Variants in NRG1 observed in about 807,000 individuals in gnomAD.
NRG1 encodes the protein pro-neuregulin-1, membrane-bound isoform.
In NRG1, 18 loss-of-function variants were observed where a neutral mutation model predicts 63.8. The ratio of observed to expected loss-of-function variants is 0.28; its 90% CI spans 0.19 to 0.42. The LOEUF (loss-of-function observed/expected upper bound fraction) is 0.42, where lower values mean the gene tolerates loss of function less well. Ranked by LOEUF, NRG1 falls within the 10% of genes least tolerant of loss-of-function variation. NRG1 has a pLI of 1.00. For missense variants in NRG1, 762 were observed against 814.7 expected (o/e 0.94, Z 0.79); for synonymous variants, 302 against 301.3 (o/e 1.00, Z -0.02).
At chr8:32,595,783 T>C in intron 1 of NRG1, 45 bp from the exon 2 acceptor site, 2 of 1,545,626 alleles carry the variant, frequency 1.3e-6, no homozygotes, top group Non-Finnish European at 1.8e-6. Context: ...TTTGAAAGAT[T>C]GCCTGGTGAT....
chr8:31,894,846 G>A (rs1232505141), intron 1 of NRG1, among the ~76,000 whole-genome samples: 4 of 152,028 alleles, frequency 2.6e-5, no homozygotes, highest in South Asian at 4.1e-4. Context: ...CACCGCACCC[G>A]GCCCATAATT....
chr8:32,186,692 G>C (rs972476976), intron 1 of NRG1, among the ~76,000 whole-genome samples: 5 of 152,122 alleles, frequency 3.3e-5, no homozygotes, highest in Admixed American at 2.6e-4. Context: ...TACTGAATTA[G>C]AATCTGTGTT....
intron 1 of NRG1, among the ~76,000 whole-genome samples, chr8:32,541,609 T>C (rs1017259844): frequency 2.0e-5 from 3 of 152,050 alleles, no homozygotes; most frequent in Non-Finnish European, 1.5e-5. Flanking sequence ...TTAACATCAT[T>C]ATAAATTTAA....
chr8:32,032,852 A>G (rs1818475176), intron 1 of NRG1, among the ~76,000 whole-genome samples: 1 of 152,096 alleles, frequency 6.6e-6, no homozygotes, highest in African/African-American at 2.4e-5. Flanking sequence ...CTTTGTGCCC[A>G]TGTCCTAAAT....
chr8:32,636,974 T>C (rs1851455897), intron 5 of NRG1, among the ~76,000 whole-genome samples: 1 of 152,130 alleles, frequency 6.6e-6, no homozygotes, highest in Non-Finnish European at 1.5e-5. Flanking sequence ...ATTGGTGGAT[T>C]ATTTTGTTTG....
At chr8:32,590,652 G>A (rs1440957657) in intron 1 of NRG1, among the ~76,000 whole-genome samples, 4 of 152,096 alleles carry the variant, frequency 2.6e-5, no homozygotes, top group African/African-American at 9.7e-5. Context: ...TTGGTGAATA[G>A]GTTTTATTTC....
Position 32,272,323 on chromosome 8 carries a change from T to C in NRG1, c.38-323505T>C, listed in dbSNP as rs538524025. On this transcript the variant is annotated intron_variant, in intron 1 of 10. Transcript: ENST00000519301. The stretch of plus-strand genomic sequence containing the variant: ...CATCTTCCTCTTCTTATAAGGATGC[T>C]ATATTCCATCATGGGGGCCCAACCC... Among the ~76,000 whole-genome samples the C allele has an allele frequency of 2.6e-5, 4 of 152,282 alleles. No homozygotes were observed. The East Asian group carries it at 5.8e-4, about 22-fold the overall frequency.
intron 1 of NRG1, among the ~76,000 whole-genome samples, chr8:31,929,506 A>C (rs1017995297): frequency 6.6e-6 from 1 of 151,970 alleles, no homozygotes; most frequent in Non-Finnish European, 1.5e-5. Flanking sequence ...ATATATTCTT[A>C]CATAATACAC....
chr8:32,307,963 G>A (rs964681726), intron 1 of NRG1, among the ~76,000 whole-genome samples: 2 of 152,118 alleles, frequency 1.3e-5, no homozygotes, highest in South Asian at 2.1e-4. Flanking sequence ...ATAGATGAGG[G>A]TTATCAGGGT....
chr8:32,358,126 C>T (rs7825007), intron 1 of NRG1, among the ~76,000 whole-genome samples: 1 of 152,074 alleles, frequency 6.6e-6, no homozygotes, highest in Non-Finnish European at 1.5e-5. Flanking sequence ...AGCTTTCCTG[C>T]ATTCCTAGAA....
intron 1 of NRG1, among the ~76,000 whole-genome samples, chr8:32,050,441 T>C (rs1396718254): frequency 6.6e-6 from 1 of 152,112 alleles, no homozygotes; most frequent in East Asian, 1.9e-4. Context: ...CAACTAGTAT[T>C]TTTTTAATCA....
chr8:31,867,540 G>A (rs1425478853), intron 1 of NRG1, among the ~76,000 whole-genome samples: 1 of 151,982 alleles, frequency 6.6e-6, no homozygotes, highest in African/African-American at 2.4e-5. Flanking sequence ...AGCATATAAA[G>A]CCACATAATT....
chr8:31,977,022 A>C lies in NRG1; in HGVS notation c.37+337591A>C, dbSNP rs573096457. Among the ~76,000 whole-genome samples, 8 of 152,266 alleles carry C rather than the reference A, an allele frequency of 5.3e-5. No homozygotes were observed. The East Asian group carries it at 1.2e-3, about 22-fold the overall frequency. ...TAATTATTCCATATAGAGTGTTTGC[A>C]TTAATCTCGACTACACTAATTCAGA... On this transcript the variant is annotated intron_variant, in intron 1 of 10. Coordinates refer to the NRG1 transcript ENST00000519301.
intron 1 of NRG1, among the ~76,000 whole-genome samples, chr8:31,855,300 A>G (rs550326802): frequency 5.9e-5 from 9 of 152,298 alleles, no homozygotes; most frequent in African/African-American, 2.2e-4. Flanking sequence ...GGGCTCCTGT[A>G]TTGGGTGCAT....
At chr8:32,643,335 G>A (rs1000521864) in intron 5 of NRG1, among the ~76,000 whole-genome samples, 6 of 152,142 alleles carry the variant, frequency 3.9e-5, no homozygotes, top group African/African-American at 9.7e-5. Context: ...CTGCTTTCAG[G>A]CACAGACTTT....
chr8:32,447,867 C>T (rs1025825397), intron 1 of NRG1, among the ~76,000 whole-genome samples: 5 of 149,572 alleles, frequency 3.3e-5, no homozygotes, highest in Admixed American at 6.7e-5. Flanking sequence ...AAAAAAAATA[C>T]GTAAAGCAAC....
rs201094638 is a variant in NRG1, at chr8:32,642,397, A to AC, written c.502+25516dup. 7.7e-3 allele frequency among the ~76,000 whole-genome samples: 1,174 copies of AC among 152,326 alleles called. 6 individuals are homozygous for AC. The highest frequency in any genetic ancestry group is 0.024 in the Middle Eastern group (7 of 294). Reference sequence around the variant, plus strand: ...TGATGACACATGACTGTGAACATGTACCCCAATAAATGGTACAGTTAAGAA... The same window carrying AC: ...TGATGACACATGACTGTGAACATGTACCCCCAATAAATGGTACAGTTAAGAA... On this transcript the variant is annotated intron_variant, in intron 5 of 11. Transcript: ENST00000356819.
At chr8:31,948,334 A>G (rs1334556917) in intron 1 of NRG1, among the ~76,000 whole-genome samples, 1 of 152,148 alleles carries the variant, frequency 6.6e-6, no homozygotes, top group African/African-American at 2.4e-5. Context: ...AGGAAAATGG[A>G]TAGGGGAGTT....
At chr8:31,819,238 T>G (rs1258200499) in intron 1 of NRG1, among the ~76,000 whole-genome samples, 1 of 119,564 alleles carries the variant, frequency 8.4e-6, no homozygotes, top group Non-Finnish European at 2.0e-5. Flanking sequence ...AGTCCCTGCC[T>G]CTAAAAATAA....
Sources: gnomAD v4.1 joint callset for allele counts (sites outside exome capture counted in the v4.1 genomes callset) on GRCh38, gnomAD v4.1.1 for gene constraint, MANE v1.5 for transcripts, NCBI Gene and HGNC (gene_info 2026-07-23, HGNC 2026-07-21) for gene names.